Variants in TAFA2 observed in about 807,000 individuals in gnomAD.
TAFA2 encodes the protein chemokine-like protein TAFA-2.
Under a neutral mutation model 18.8 loss-of-function variants are expected in TAFA2, and 7 were observed. The observed-to-expected ratio is 0.37, with a 90% CI of 0.21 to 0.70. TAFA2 has a LOEUF of 0.70. Ranked by LOEUF, TAFA2 falls within the 30% of genes least tolerant of loss-of-function variation. The pLI is 0.53. For missense variants in TAFA2, 122 were observed against 158.1 expected (o/e 0.77, Z 1.23); for synonymous variants, 60 against 54.2 (o/e 1.11, Z -0.47).
At chr12:62,116,493 G>A (rs968211163) in intron 1 of TAFA2, among the ~76,000 whole-genome samples, 1 of 150,790 alleles carries the variant, frequency 6.6e-6, no homozygotes, top group African/African-American at 2.5e-5. Context: ...GTGGCAGCAG[G>A]GATTTATTTA....
chr12:62,213,777 T>C (rs187927011), intron 1 of TAFA2, among the ~76,000 whole-genome samples: 1 of 152,352 alleles, frequency 6.6e-6, no homozygotes, highest in East Asian at 1.9e-4. Flanking sequence ...CTGAAATTCA[T>C]TAAACTCAAT....
At chr12:62,255,730 T>C (rs1336191124) in intron 1 of TAFA2, among the ~76,000 whole-genome samples, 1 of 151,656 alleles carries the variant, frequency 6.6e-6, no homozygotes, top group Non-Finnish European at 1.5e-5. Flanking sequence ...GGCACATGCA[T>C]GTAATCCCAG....
chr12:61,786,703 G>T (rs2120910039), intron 2 of TAFA2, among the ~76,000 whole-genome samples: 1 of 151,516 alleles, frequency 6.6e-6, no homozygotes, highest in Admixed American at 6.6e-5. Flanking sequence ...ACACTAGATA[G>T]GATCAATGTA....
chr12:61,849,745 G>A lies in TAFA2; in HGVS notation c.106+17575C>T, dbSNP rs778134184. On this transcript the variant is annotated intron_variant, in intron 2 of 4. Transcript: ENST00000416284. The stretch of plus-strand genomic sequence containing the variant: ...CCTAGTGTGACTGAACAAAAATTTA[G>A]GTACTTTAGACGGTCTCACCTTTCT... 3.9e-5 allele frequency among the ~76,000 whole-genome samples: 6 copies of A among 152,130 alleles called. No individual in the cohort carries two copies. The South Asian group carries it at 6.2e-4, about 16-fold the overall frequency.
At chr12:61,900,605 C>A (rs1388284448) in intron 1 of TAFA2, among the ~76,000 whole-genome samples, 2 of 152,034 alleles carry the variant, frequency 1.3e-5, no homozygotes, top group Non-Finnish European at 2.9e-5. Context: ...GGGGAAAGGC[C>A]CCATATAAAC....
chr12:62,191,166 G>C (rs530591055), intron 1 of TAFA2, 93 bp downstream of exon 1: 25 of 152,216 alleles, frequency 1.6e-4, no homozygotes, highest in African/African-American at 5.8e-4. Flanking sequence ...GAAGGGAGAC[G>C]TGTGCACACG....
At chr12:62,220,263 G>C (rs1028936953) in intron 1 of TAFA2, among the ~76,000 whole-genome samples, 1 of 151,246 alleles carries the variant, frequency 6.6e-6, no homozygotes, top group African/African-American at 2.4e-5. Context: ...TTACTAAAAA[G>C]GAAAAAACTA....
intron 2 of TAFA2, among the ~76,000 whole-genome samples, chr12:61,790,174 T>G (rs1251973816): frequency 2.0e-5 from 1 of 50,034 alleles, no homozygotes; most frequent in African/African-American, 7.5e-5. Flanking sequence ...CATCCCTTCA[T>G]GATAAAAAAA....
chr12:62,143,857 A>G (rs1226243389), intron 1 of TAFA2, among the ~76,000 whole-genome samples: 1 of 150,148 alleles, frequency 6.7e-6, no homozygotes, highest in Non-Finnish European at 1.5e-5. Flanking sequence ...AGCATGGACA[A>G]AGTGGCAAAA....
chr12:61,730,654 G>C (rs188752072), intron 4 of TAFA2, among the ~76,000 whole-genome samples: 70 of 152,154 alleles, frequency 4.6e-4, no homozygotes, highest in African/African-American at 1.6e-3. Context: ...GATTATGGCT[G>C]CCTCTGCTGC....
chr12:61,883,007 T>C (rs1875215194), intron 1 of TAFA2, among the ~76,000 whole-genome samples: 1 of 152,204 alleles, frequency 6.6e-6, no homozygotes, highest in African/African-American at 2.4e-5. Context: ...CCAAGGAAAC[T>C]ACAACCTAAC....
chr12:61,792,861 A>T (rs953671346), intron 2 of TAFA2, among the ~76,000 whole-genome samples: 9 of 151,572 alleles, frequency 5.9e-5, no homozygotes, highest in Admixed American at 4.6e-4. Context: ...CTGACTTAAA[A>T]AGTAGAAAAA....
Position 62,052,235 on chromosome 12 carries a change from C to T in TAFA2, c.-2+139024G>A, listed in dbSNP as rs112221252. Among the ~76,000 whole-genome samples, 366 of 152,098 alleles carry T rather than the reference C, an allele frequency of 2.4e-3. 1 individual carries two copies. The highest frequency in any genetic ancestry group is 8.5e-3 in the African/African-American group (351 of 41,502). ...GTGTGTGAGAGAGAGAGTCTGTTTCCCAGGGACTGGAAGGCAGTGGCATGA... is the reference window on the plus strand; with the variant it reads ...GTGTGTGAGAGAGAGAGTCTGTTTCTCAGGGACTGGAAGGCAGTGGCATGA... On this transcript the variant is annotated intron_variant, in intron 1 of 4. Coordinates refer to ENST00000416284, the MANE Select transcript of TAFA2 (RefSeq NM_178539.5).
At chr12:61,947,408 GTAAC>G (rs1878312601) in intron 1 of TAFA2, among the ~76,000 whole-genome samples, 1 of 151,222 alleles carries the variant, frequency 6.6e-6, no homozygotes, top group Non-Finnish European at 1.5e-5. Flanking sequence ...GTATACATAT[GTAAC>G]TAACCTGCAC....
chr12:62,071,067 C>T (rs1882617680), intron 1 of TAFA2, among the ~76,000 whole-genome samples: 1 of 152,170 alleles, frequency 6.6e-6, no homozygotes, highest in African/African-American at 2.4e-5. Flanking sequence ...CGTATTAAAC[C>T]TCTTGCAGAC....
intron 1 of TAFA2, among the ~76,000 whole-genome samples, chr12:61,896,437 A>G (rs1438088250): frequency 6.6e-6 from 1 of 152,216 alleles, no homozygotes; most frequent in East Asian, 1.9e-4. Flanking sequence ...CATAGATTGC[A>G]TACAATTATC....
chr12:62,103,049 T>C (rs1296815749), intron 1 of TAFA2, among the ~76,000 whole-genome samples: 1 of 152,218 alleles, frequency 6.6e-6, no homozygotes, highest in East Asian at 1.9e-4. Context: ...ACAATAGATG[T>C]GTGAACTCAA....
chr12:62,168,009 T>C (rs898421943), intron 1 of TAFA2, among the ~76,000 whole-genome samples: 1 of 152,158 alleles, frequency 6.6e-6, no homozygotes, highest in Non-Finnish European at 1.5e-5. Flanking sequence ...AAAAACTCAT[T>C]AGCAATCTTT....
chr12:61,849,603 T>G (rs1873557432), intron 2 of TAFA2, among the ~76,000 whole-genome samples: 1 of 152,176 alleles, frequency 6.6e-6, no homozygotes, highest in African/African-American at 2.4e-5. Context: ...TGTGGAAAAC[T>G]AGAAACTACA....
Sources: gnomAD v4.1 joint callset for allele counts (sites outside exome capture counted in the v4.1 genomes callset) on GRCh38, gnomAD v4.1.1 for gene constraint, MANE v1.5 for transcripts, NCBI Gene and HGNC (gene_info 2026-07-23, HGNC 2026-07-21) for gene names.